TUFT1: variants seen among roughly 807,000 people sequenced by gnomAD.
The protein encoded by TUFT1 is tuftelin 1.
Under a neutral mutation model 57.8 loss-of-function variants are expected in TUFT1, and 43 were observed. The ratio of observed to expected loss-of-function variants is 0.74; its 90% CI spans 0.58 to 0.96. TUFT1 has a LOEUF of 0.96. Among genes scored for constraint, TUFT1 ranks in the 40% least tolerant of loss-of-function variants. TUFT1 has a pLI of 0.00. For missense variants in TUFT1, 459 were observed against 489.0 expected (o/e 0.94, Z 0.58); for synonymous variants, 166 against 176.7 (o/e 0.94, Z 0.48).
At position 151,540,444 on chromosome 1, in the gene TUFT1, C is replaced by T. The variant is rs1337874416; in HGVS notation, c.60+18C>T. The T allele has an allele frequency of 8.7e-6, 14 of 1,613,944 alleles. No individual in the cohort carries two copies. In the African/African-American group the frequency reaches 1.7e-4, roughly 20 times the overall value. On this transcript the variant is annotated intron_variant, in intron 1 of 12. Transcript: ENST00000368849. ...AGGCGGCGGTAAGAAAAAGCGCTCT[C>T]GCTGTCTTCTCCGTTTTGTATTCCC...
At chr1:151,569,350 A>G (rs1441290953) in intron 6 of TUFT1, among the ~76,000 whole-genome samples, 1 of 152,198 alleles carries the variant, frequency 6.6e-6, no homozygotes, top group East Asian at 1.9e-4. Context: ...ACCTACAGAC[A>G]GCATCCACAT....
In TUFT1 at chr1:151,554,546, C is replaced by T. The variant is rs150879502; in HGVS notation, c.61-7545C>T. Among the ~76,000 whole-genome samples, 778 of 144,912 alleles carry T rather than the reference C, an allele frequency of 5.4e-3. 8 individuals are homozygous for T. Among genetic ancestry groups the T allele is most frequent in the African/African-American group, 0.018 (704 of 39,064 alleles). ...TCCTGAGTAGCTGGGACTACAGGCA[C>T]GTGCTACCACACCCGGCTAATTTTT... On this transcript the variant is annotated intron_variant, in intron 1 of 12. Transcript: ENST00000368849.
At chr1:151,561,009 T>TGTGTGTGTG (rs1665870457) in intron 1 of TUFT1, among the ~76,000 whole-genome samples, 2 of 147,568 alleles carry the variant, frequency 1.4e-5, no homozygotes, top group African/African-American at 5.0e-5. Context: ...TGTGTGAGTG[T>TGTGTGTGTG]TTGAGACGGA....
chr1:151,557,757 C>G (rs1263307085), intron 1 of TUFT1: 13 of 773,534 alleles, frequency 1.7e-5, no homozygotes, highest in Non-Finnish European at 1.9e-5. Flanking sequence ...AAGTCCTCAG[C>G]CTAAAGGTCT....
At chr1:151,549,009 C>G (rs915290961) in intron 1 of TUFT1, among the ~76,000 whole-genome samples, 2 of 152,150 alleles carry the variant, frequency 1.3e-5, no homozygotes, top group African/African-American at 2.4e-5. Flanking sequence ...TTTACCCCCT[C>G]CCTGCTTTGA....
chr1:151,566,562 C>A (rs1313747544), intron 6 of TUFT1, among the ~76,000 whole-genome samples: 1 of 152,056 alleles, frequency 6.6e-6, no homozygotes, highest in African/African-American at 2.4e-5. Context: ...TTTCATTGTT[C>A]CAATAGGTGG....
At chr1:151,557,633 G>A in intron 1 of TUFT1, 1 of 1,045,024 alleles carries the variant, frequency 9.6e-7, no homozygotes, top group Non-Finnish European at 1.5e-6. Context: ...CAGTTTGCCT[G>A]GAGACATTTC....
chr1:151,557,258 C>A (rs1447288785), intron 1 of TUFT1, among the ~76,000 whole-genome samples: 2 of 151,972 alleles, frequency 1.3e-5, no homozygotes, highest in Non-Finnish European at 2.9e-5. Context: ...CCTTTACATC[C>A]CTTTACCTTC....
intron 5 of TUFT1, 130 bp from the exon 6 acceptor site, chr1:151,566,005 TCCCTCCCTTTCTTTTTCTCTCTCCCTCC>T (rs1361473783): frequency 4.1e-6 from 2 of 482,088 alleles, no homozygotes; most frequent in South Asian, 2.9e-5. Context: ...TTCCTTTTTC[TCCCTCCCTTTCTTTTTCTCTCTCCCTCC>T]CCCTCCCTTT....
intron 9 of TUFT1, among the ~76,000 whole-genome samples, chr1:151,575,376 G>C (rs986400234): frequency 6.6e-6 from 1 of 152,160 alleles, no homozygotes; most frequent in Non-Finnish European, 1.5e-5. Flanking sequence ...AAAATTGACT[G>C]TAAACTGTTT....
chr1:151,557,241 T>C (rs1481361657), intron 1 of TUFT1, among the ~76,000 whole-genome samples: 2 of 152,008 alleles, frequency 1.3e-5, no homozygotes, highest in Non-Finnish European at 1.5e-5. Context: ...AAGAGAAACC[T>C]TTCCTTCCTT....
intron 10 of TUFT1, 99 bp downstream of exon 10, chr1:151,578,925 C>T (rs1666563724): frequency 2.2e-6 from 2 of 921,932 alleles, no homozygotes; most frequent in Non-Finnish European, 3.3e-6. Context: ...ATGCATTTCC[C>T]ATGTCAAACA....
rs1049476634 is a variant in TUFT1, at chr1:151,573,519, C to T, written c.595-751C>T. Among the ~76,000 whole-genome samples the T allele has an allele frequency of 1.9e-4, 29 of 152,142 alleles. 1 individual carries two copies. Among genetic ancestry groups the T allele is most frequent in the Non-Finnish European group, 1.0e-4 (7 of 68,008 alleles). The stretch of plus-strand genomic sequence containing the variant: ...CAGCACTTTAGGAGGCCAAGGCGGG[C>T]GGATCACCTGAGGTCAGGAGTTCGA... On this transcript the variant is annotated intron_variant, in intron 7 of 12. Transcript: ENST00000368849.
intron 1 of TUFT1, among the ~76,000 whole-genome samples, chr1:151,553,908 C>G (rs1415278444): frequency 6.6e-6 from 1 of 151,998 alleles, no homozygotes; most frequent in Non-Finnish European, 1.5e-5. Flanking sequence ...TTGATAATGC[C>G]TAATGAAGTT....
chr1:151,548,632 A>G (rs1037597019), intron 1 of TUFT1, among the ~76,000 whole-genome samples: 2 of 152,076 alleles, frequency 1.3e-5, no homozygotes, highest in African/African-American at 4.8e-5. Flanking sequence ...AACTGAAGTG[A>G]CTGCTCCTCC....
Position 151,562,107 on chromosome 1 carries a change from TCAGGCTGACTCTC to T in TUFT1, c.82_94del (p.Leu28ValfsTer3). On this transcript the variant is annotated frameshift_variant, in exon 2 of 13. Coordinates refer to ENST00000368849, the MANE Select transcript of TUFT1 (RefSeq NM_020127.3). LOFTEE classifies it high-confidence loss of function. ...CATTATTAGGGCAGCGTGGACATTC[TCAGGCTGACTCTC>T]CAGGGTGAACTGACAGGAGATGAAC... The T allele has an allele frequency of 6.2e-7, 1 of 1,614,122 alleles. No individual in the cohort carries two copies. The highest frequency in any genetic ancestry group is 1.1e-5 in the South Asian group (1 of 91,080).
chr1:151,580,445 G>A (rs139870530), intron 11 of TUFT1, among the ~76,000 whole-genome samples: 6 of 152,114 alleles, frequency 3.9e-5, no homozygotes, highest in African/African-American at 1.2e-4. Context: ...AGGATTGCTC[G>A]AGGCCAGGAG....
chr1:151,579,648 G>A lies in TUFT1; in HGVS notation c.925-1G>A, dbSNP rs1487857004. 6.2e-7 allele frequency: 1 copy of A among 1,613,744 alleles called. No homozygotes were observed. The highest frequency in any genetic ancestry group is 1.3e-5 in the African/African-American group (1 of 74,900). ...CTCCAGTGTCTCCCACACCTTTGCA[G>A]CTCCAGAATTCAAAAGCTGTGATCC... On this transcript the variant is annotated splice_acceptor_variant, in intron 10 of 12. Transcript: ENST00000368849. LOFTEE classifies it high-confidence loss of function.
chr1:151,565,546 A>C (rs1039316387), intron 5 of TUFT1, among the ~76,000 whole-genome samples: 4 of 152,250 alleles, frequency 2.6e-5, no homozygotes, highest in African/African-American at 9.6e-5. Context: ...TTGAGCTCAC[A>C]TCTGGCTGGT....
Sources: gnomAD v4.1 joint callset for allele counts (sites outside exome capture counted in the v4.1 genomes callset) on GRCh38, gnomAD v4.1.1 for gene constraint, MANE v1.5 for transcripts, NCBI Gene and HGNC (gene_info 2026-07-23, HGNC 2026-07-21) for gene names.